CD38: variants seen among roughly 807,000 people sequenced by gnomAD.
CD38 encodes ADP-ribosyl cyclase/cyclic ADP-ribose hydrolase 1.
In CD38, 31 loss-of-function variants were observed where a neutral mutation model predicts 36.3. That is an observed-to-expected ratio of 0.85 (90% CI 0.64 to 1.15). The LOEUF is 1.15. Among genes scored for constraint, CD38 ranks in the 50% most tolerant of loss-of-function variants. The probability of loss-of-function intolerance (pLI) is 0.00; values close to 1 mark genes in which losing one functional copy is unlikely to be tolerated. For missense variants in CD38, 380 were observed against 371.9 expected (o/e 1.02, Z -0.18); for synonymous variants, 131 against 135.2 (o/e 0.97, Z 0.22).
At chr4:15,786,732 C>T (rs534201374) in intron 1 of CD38, among the ~76,000 whole-genome samples, 4 of 152,380 alleles carry the variant, frequency 2.6e-5, no homozygotes, top group South Asian at 2.1e-4. Context: ...GCTATGCACC[C>T]GCACTCCTCA....
intron 1 of CD38, among the ~76,000 whole-genome samples, chr4:15,804,158 C>A (rs1398616485): frequency 6.6e-6 from 1 of 152,018 alleles, no homozygotes; most frequent in East Asian, 1.9e-4. Flanking sequence ...ATTTATTTTC[C>A]TGTGGGCCAT....
rs570779668 is a variant in CD38 at position 15,825,264 on chromosome 4, A to G, written c.499+248A>G. The G allele has an allele frequency of 2.1e-3, 868 of 407,118 alleles. 21 individuals are homozygous for G. In the South Asian group the frequency reaches 0.033, roughly 16 times the overall value. The allele number at this position is 407,118 out of a possible 1,614,324, so 25.2% of individuals were successfully genotyped here. On this transcript the variant is annotated intron_variant, in intron 3 of 7. Coordinates refer to ENST00000226279, the MANE Select transcript of CD38 (RefSeq NM_001775.4). ...TACAAGAAGTAGGGTACCAGCATCC[A>G]CTTCGGGTGAAGGCCTGAGGCTGTT... is the stretch of plus-strand genomic sequence containing the variant.
intron 5 of CD38, among the ~76,000 whole-genome samples, chr4:15,839,000 G>C (rs115395827): frequency 1.3e-5 from 2 of 151,866 alleles, no homozygotes; most frequent in Admixed American, 1.3e-4. Context: ...TTACCTTTTC[G>C]GCCTTTGTTC....
At chr4:15,783,774 C>T (rs1390979484) in intron 1 of CD38, among the ~76,000 whole-genome samples, 1 of 152,156 alleles carries the variant, frequency 6.6e-6, no homozygotes, top group Non-Finnish European at 1.5e-5. Context: ...TTTTATTTAA[C>T]TTCCTCTTCA....
At chr4:15,815,299 A>G (rs1398525553) in intron 1 of CD38, among the ~76,000 whole-genome samples, 4 of 152,120 alleles carry the variant, frequency 2.6e-5, no homozygotes, top group South Asian at 2.1e-4. Context: ...TTCTAATTCT[A>G]TGAAGAAAGT....
chr4:15,811,417 T>A (rs1201906269), intron 1 of CD38, among the ~76,000 whole-genome samples: 1 of 152,222 alleles, frequency 6.6e-6, no homozygotes, highest in Non-Finnish European at 1.5e-5. Flanking sequence ...TATATTTAGG[T>A]CTTTCATTCA....
At chr4:15,820,211 G>C (rs1314695353) in intron 2 of CD38, among the ~76,000 whole-genome samples, 1 of 152,160 alleles carries the variant, frequency 6.6e-6, no homozygotes, top group Non-Finnish European at 1.5e-5. Flanking sequence ...ATATGGAAAG[G>C]AAAAACCATT....
intron 3 of CD38, 181 bp downstream of exon 3, chr4:15,825,197 A>G (rs1723822370): frequency 3.5e-6 from 2 of 576,720 alleles, no homozygotes; most frequent in Non-Finnish European, 3.0e-6. Flanking sequence ...TGCGTAATTT[A>G]TAAAGAAAAG....
intron 1 of CD38, among the ~76,000 whole-genome samples, chr4:15,801,060 G>A (rs1429086891): frequency 6.6e-6 from 1 of 151,640 alleles, no homozygotes; most frequent in Non-Finnish European, 1.5e-5. Flanking sequence ...GACTAACTAA[G>A]AAAAAAGAGG....
intron 1 of CD38, among the ~76,000 whole-genome samples, chr4:15,794,377 G>A (rs1260783844): frequency 1.3e-5 from 2 of 152,196 alleles, no homozygotes; most frequent in Admixed American, 6.5e-5. Flanking sequence ...TAGTGGAGAT[G>A]TTGACCAGAA....
intron 1 of CD38, among the ~76,000 whole-genome samples, chr4:15,780,704 T>C (rs1236371527): frequency 6.6e-6 from 1 of 152,226 alleles, no homozygotes; most frequent in Non-Finnish European, 1.5e-5. Context: ...ACAGTTTTAT[T>C]TTCAAACCCA....
chr4:15,781,256 G>T (rs1464950964), intron 1 of CD38, among the ~76,000 whole-genome samples: 4 of 152,134 alleles, frequency 2.6e-5, no homozygotes, highest in Non-Finnish European at 5.9e-5. Context: ...ACATAATAGG[G>T]TCTGCCTTTC....
At chr4:15,780,536 A>ACACACACACACACACACGCGCG (rs1560303841) in intron 1 of CD38, among the ~76,000 whole-genome samples, 1 of 148,688 alleles carries the variant, frequency 6.7e-6, no homozygotes, top group African/African-American at 2.5e-5. Context: ...ACACACACAC[A>ACACACACACACACACACGCGCG]CACACACACA....
intron 5 of CD38, among the ~76,000 whole-genome samples, chr4:15,839,360 G>C (rs1295702631): frequency 6.6e-6 from 1 of 151,150 alleles, no homozygotes; most frequent in Non-Finnish European, 1.5e-5. Flanking sequence ...ATCACGTGGG[G>C]ATTGTTCAAC....
chr4:15,818,016 C>G (rs1438216625), intron 2 of CD38, among the ~76,000 whole-genome samples: 1 of 152,248 alleles, frequency 6.6e-6, no homozygotes, highest in South Asian at 2.1e-4. Context: ...TGTTCACTCC[C>G]CTGGAAAGGG....
intron 4 of CD38, among the ~76,000 whole-genome samples, chr4:15,835,363 C>CTTTTTTTTT (rs35143834): frequency 5.2e-5 from 3 of 57,670 alleles, no homozygotes; most frequent in Non-Finnish European, 7.2e-5. Flanking sequence ...GACAGGAATA[C>CTTTTTTTTT]TTTTTTTTTT....
intron 1 of CD38, among the ~76,000 whole-genome samples, chr4:15,791,817 C>CT (rs1248895323): frequency 1.1e-5 from 1 of 90,908 alleles, no homozygotes; most frequent in African/African-American, 9.9e-5. Flanking sequence ...GTCAGCCCCC[C>CT]GCCCGGCCAG....
Position 15,850,769 on chromosome 4 carries a change from G to C in CD38, c.*2167G>C. 6.6e-6 allele frequency: 1 copy of C among 152,200 alleles called. No individual in the cohort carries two copies. Among genetic ancestry groups the C allele is most frequent in the East Asian group, 1.9e-4 (1 of 5,186 alleles). The allele number at this position is 152,200 out of a possible 1,614,324, so 9.4% of individuals were successfully genotyped here. On this transcript the variant is annotated 3_prime_UTR_variant, in exon 8 of 8. Transcript: ENST00000226279. ...GCTCGACATGAGGATGGGGGTTTGG[G>C]ACCAGTTCTGAGTGAGAATCAGACT...
intron 1 of CD38, among the ~76,000 whole-genome samples, chr4:15,800,493 C>T (rs1225482327): frequency 2.0e-5 from 3 of 152,074 alleles, no homozygotes; most frequent in Admixed American, 2.0e-4. Flanking sequence ...AAATTTTAGC[C>T]ATCTAAAAAT....
Sources: allele counts gnomAD v4.1 joint callset (sites outside exome capture counted in the v4.1 genomes callset), GRCh38; gene constraint gnomAD v4.1.1; transcripts MANE v1.5; gene names NCBI Gene and HGNC (gene_info 2026-07-23, HGNC 2026-07-21).